The following CWC27 variants were observed in gnomAD, a reference collection of about 807,000 sequenced individuals.
The protein encoded by CWC27 is spliceosome-associated protein CWC27 homolog.
Under a neutral mutation model 63.6 loss-of-function variants are expected in CWC27, and 47 were observed. That is an observed-to-expected ratio of 0.74 (90% confidence interval 0.58 to 0.94). The LOEUF (loss-of-function observed/expected upper bound fraction) is 0.94, where lower values mean the gene tolerates loss of function less well. CWC27 is among the 40% of genes least tolerant of loss of function. The pLI is 0.00. For synonymous variants in CWC27, 175 were observed against 179.8 expected, an observed-to-expected ratio of 0.97 and a Z score of 0.22; for missense variants, 495 against 554.3, an observed-to-expected ratio of 0.89 and a Z score of 1.07.
chr5:64,770,060 A>C (rs1226350378), intron 1 of CWC27, among the ~76,000 whole-genome samples: 3 of 152,240 alleles, frequency 2.0e-5, no homozygotes, highest in African/African-American at 7.2e-5. Flanking sequence ...TAGTTGAATT[A>C]AGATAAGCTA....
chr5:64,907,810 C>G (rs1325105544), intron 11 of CWC27, among the ~76,000 whole-genome samples: 1 of 152,004 alleles, frequency 6.6e-6, no homozygotes, highest in Non-Finnish European at 1.5e-5. Flanking sequence ...TCATAGATAG[C>G]TCTTATTATT....
At chr5:64,792,079 C>T (rs544206114) in intron 7 of CWC27, among the ~76,000 whole-genome samples, 1 of 152,042 alleles carries the variant, frequency 6.6e-6, no homozygotes, top group Non-Finnish European at 1.5e-5. Context: ...GTTATTTTTA[C>T]TGTCTCTTTA....
At chr5:64,868,038 G>T (rs569730316) in intron 10 of CWC27, among the ~76,000 whole-genome samples, 2 of 151,588 alleles carry the variant, frequency 1.3e-5, no homozygotes, top group African/African-American at 4.8e-5. Flanking sequence ...CAATAGTATT[G>T]TGCTGCAGAT....
chr5:64,939,121 C>T (rs1748420023), intron 11 of CWC27, among the ~76,000 whole-genome samples: 1 of 152,190 alleles, frequency 6.6e-6, no homozygotes, highest in East Asian at 1.9e-4. Context: ...ATTCATCAAA[C>T]TCATTCTCCA....
chr5:64,992,433 C>G (rs1036134073), intron 13 of CWC27, among the ~76,000 whole-genome samples: 1 of 152,188 alleles, frequency 6.6e-6, no homozygotes, highest in South Asian at 2.1e-4. Context: ...AAAAAATTAA[C>G]TTGACTTTCA....
At chr5:64,859,713 G>T (rs1012135228) in intron 10 of CWC27, among the ~76,000 whole-genome samples, 1 of 152,130 alleles carries the variant, frequency 6.6e-6, no homozygotes, top group Non-Finnish European at 1.5e-5. Flanking sequence ...GGTACTGTGT[G>T]TGCAGCAGCA....
At chr5:64,979,538 T>G (rs1398180702) in intron 13 of CWC27, among the ~76,000 whole-genome samples, 2 of 152,200 alleles carry the variant, frequency 1.3e-5, no homozygotes, top group Non-Finnish European at 2.9e-5. Flanking sequence ...GTGATTTAGA[T>G]CCTCTCTCAT....
intron 11 of CWC27, among the ~76,000 whole-genome samples, chr5:64,907,797 T>C (rs1235313984): frequency 1.3e-5 from 2 of 152,194 alleles, no homozygotes; most frequent in African/African-American, 4.8e-5. Context: ...GGCTGTGGGT[T>C]TGTCATAGAT....
Position 64,783,918 on chromosome 5 carries a change from AG to A in CWC27, c.336del (p.Gln112HisfsTer36). 5 of 1,608,678 alleles carry A rather than the reference AG, an allele frequency of 3.1e-6. No homozygotes were observed. The highest frequency in any genetic ancestry group is 4.2e-6 in the Non-Finnish European group (5 of 1,177,574). On this transcript the variant is annotated frameshift_variant, in exon 4 of 14. Coordinates refer to ENST00000381070, the MANE Select transcript of CWC27 (RefSeq NM_005869.4). LOFTEE classifies it high-confidence loss of function. ...GCTGGTTCTCATGATAATGGCAGCC[AG>A]TTTTTCTTCACACTGGGTCGAGCAG... ...ANAGSHDNGSQFFFTLGRADE... is the reference protein window; with the variant it reads ...ANAGSHDNGSXFFFTLGRADE...
chr5:64,813,304 G>A (rs1435084345), intron 10 of CWC27, among the ~76,000 whole-genome samples: 1 of 152,058 alleles, frequency 6.6e-6, no homozygotes, highest in Non-Finnish European at 1.5e-5. Context: ...TGGGCCACTT[G>A]AAATAAAAAT....
intron 13 of CWC27, among the ~76,000 whole-genome samples, chr5:64,996,414 A>G (rs1053587862): frequency 2.6e-4 from 39 of 152,304 alleles, no homozygotes; most frequent in African/African-American, 6.7e-4. Context: ...AGATAATGCA[A>G]TTGATCACAA....
At chr5:64,939,875 C>G (rs1044657631) in intron 11 of CWC27, among the ~76,000 whole-genome samples, 1 of 152,190 alleles carries the variant, frequency 6.6e-6, no homozygotes, top group African/African-American at 2.4e-5. Context: ...CTGCACTGGG[C>G]TCCGCCCAGT....
intron 13 of CWC27, among the ~76,000 whole-genome samples, chr5:65,013,806 GT>G (rs1384144762): frequency 6.6e-6 from 1 of 152,132 alleles, no homozygotes; most frequent in Non-Finnish European, 1.5e-5. Context: ...GGAAGAAGAG[GT>G]TTGTAGACTT....
intron 12 of CWC27, among the ~76,000 whole-genome samples, chr5:64,975,970 G>C (rs1331105018): frequency 6.6e-6 from 1 of 151,954 alleles, no homozygotes; most frequent in African/African-American, 2.4e-5. Context: ...CAGGAGTCTG[G>C]GGCAGGAGAA....
chr5:64,862,760 G>T (rs6878807), intron 10 of CWC27, among the ~76,000 whole-genome samples: 2,091 of 152,148 alleles, frequency 0.014, 28 homozygotes, highest in African/African-American at 0.038. Context: ...ACCATCAACT[G>T]GGTGGCTTAT....
At chr5:64,918,188 T>A (rs1747929676) in intron 11 of CWC27, among the ~76,000 whole-genome samples, 1 of 152,084 alleles carries the variant, frequency 6.6e-6, no homozygotes, top group African/African-American at 2.4e-5. Flanking sequence ...TTATTGATGG[T>A]TGGAGTATAG....
chr5:64,965,579 AAG>A (rs781384188), intron 11 of CWC27, among the ~76,000 whole-genome samples: 2 of 152,250 alleles, frequency 1.3e-5, no homozygotes, highest in Non-Finnish European at 1.5e-5. Flanking sequence ...CTTGTGAAAC[AAG>A]AGTTACCTTA....
chr5:64,869,462 T>A (rs911662065), intron 10 of CWC27, among the ~76,000 whole-genome samples: 2 of 152,010 alleles, frequency 1.3e-5, no homozygotes, highest in African/African-American at 4.8e-5. Context: ...TTCAAGCAAG[T>A]TTTCTGGTCC....
chr5:65,004,918 A>ACG (rs1749814180), intron 13 of CWC27, among the ~76,000 whole-genome samples: 1 of 136,708 alleles, frequency 7.3e-6, no homozygotes, highest in African/African-American at 2.7e-5. Flanking sequence ...ATACACACAC[A>ACG]CACACACACA....
Sources: gnomAD v4.1 joint callset for allele counts (sites outside exome capture counted in the v4.1 genomes callset) on GRCh38, gnomAD v4.1.1 for gene constraint, MANE v1.5 for transcripts, NCBI Gene and HGNC (gene_info 2026-07-23, HGNC 2026-07-21) for gene names.